Variants in CCDC171 observed in about 807,000 individuals in gnomAD.
CCDC171 encodes the protein coiled-coil domain-containing protein 171.
CCDC171 carries 177 observed loss-of-function variants against 168.2 expected under a neutral mutation model. That is an observed-to-expected ratio of 1.05 (90% CI 0.93 to 1.19). The LOEUF is 1.19. Ranked by LOEUF, CCDC171 falls within the 50% of genes most tolerant of loss-of-function variation. The pLI, the probability that CCDC171 is intolerant of heterozygous loss-of-function variation, is 0.00. For synonymous variants in CCDC171, 687 were observed against 540.8 expected (o/e 1.27, Z -3.75); for missense variants, 1,991 against 1,539.0 (o/e 1.29, Z -4.91).
rs1386882067 is a variant in CCDC171 at position 15,564,530 on chromosome 9, CATTT to C, written c.41+403_41+406del. 2.0e-5 allele frequency among the ~76,000 whole-genome samples: 3 copies of C among 152,338 alleles called. No homozygotes were observed. In the East Asian group the frequency reaches 5.8e-4, roughly 29 times the overall value. On this transcript the variant is annotated intron_variant, in intron 2 of 25. Coordinates refer to ENST00000380701, the MANE Select transcript of CCDC171 (RefSeq NM_173550.4). ...AATTCATGGCTACTGCTTAAGCATT[CATTT>C]AGTCTTAGCTCCTGTTGCTGTTTCG...
intron 25 of CCDC171, among the ~76,000 whole-genome samples, chr9:15,923,241 T>C (rs768352332): frequency 4.0e-5 from 6 of 151,382 alleles, no homozygotes; most frequent in Non-Finnish European, 7.4e-5. Context: ...AGCCAAGATA[T>C]ATAATCAGCC....
intron 24 of CCDC171, among the ~76,000 whole-genome samples, chr9:15,900,318 A>G (rs2131620153): frequency 6.6e-6 from 1 of 152,312 alleles, no homozygotes; most frequent in Admixed American, 6.5e-5. Context: ...CGGTGGGGGC[A>G]TTTGGCAAGG....
chr9:15,679,519 A>G (rs1338995006), intron 10 of CCDC171, among the ~76,000 whole-genome samples: 1 of 152,002 alleles, frequency 6.6e-6, no homozygotes, highest in Non-Finnish European at 1.5e-5. Context: ...TGCTTTAGCC[A>G]TATTAGAGTG....
chr9:15,953,705 A>AGT (rs1218880182), intron 25 of CCDC171, among the ~76,000 whole-genome samples: 1 of 152,142 alleles, frequency 6.6e-6, no homozygotes, highest in African/African-American at 2.4e-5. Flanking sequence ...TTTATTTGGA[A>AGT]GTGTTCCCTT....
At chr9:15,939,920 A>G (rs904722866) in intron 25 of CCDC171, among the ~76,000 whole-genome samples, 2 of 151,898 alleles carry the variant, frequency 1.3e-5, no homozygotes, top group African/African-American at 4.8e-5. Flanking sequence ...AAAGGGATGG[A>G]TAATTTCATG....
chr9:16,018,924 C>T (rs2133014270), intron 3 of CCDC171, among the ~76,000 whole-genome samples: 1 of 152,296 alleles, frequency 6.6e-6, no homozygotes, highest in South Asian at 2.1e-4. Context: ...TGTATTCATG[C>T]CTTTTTGCCA....
chr9:15,950,647 C>T (rs1356057346), intron 25 of CCDC171, among the ~76,000 whole-genome samples: 3 of 151,944 alleles, frequency 2.0e-5, no homozygotes, highest in African/African-American at 7.2e-5. Flanking sequence ...AAGGAACAAC[C>T]GATACCAGCC....
At chr9:15,865,664 A>T (rs2061747715) in intron 23 of CCDC171, among the ~76,000 whole-genome samples, 1 of 152,166 alleles carries the variant, frequency 6.6e-6, no homozygotes, top group South Asian at 2.1e-4. Flanking sequence ...TATTATAAGA[A>T]TATAGTATAT....
At chr9:15,596,046 C>T (rs938574922) in intron 6 of CCDC171, among the ~76,000 whole-genome samples, 2 of 151,996 alleles carry the variant, frequency 1.3e-5, no homozygotes, top group African/African-American at 4.8e-5. Flanking sequence ...GGATATTAGC[C>T]CTTTGTCAGA....
chr9:15,997,511 A>G (rs1358119802), intron 3 of CCDC171, among the ~76,000 whole-genome samples: 1 of 152,154 alleles, frequency 6.6e-6, no homozygotes, highest in Non-Finnish European at 1.5e-5. Context: ...ACTTCTCTAT[A>G]CAGTTTCAGG....
intron 21 of CCDC171, among the ~76,000 whole-genome samples, chr9:15,806,412 C>G (rs1451620705): frequency 6.6e-6 from 1 of 152,102 alleles, no homozygotes; most frequent in Non-Finnish European, 1.5e-5. Flanking sequence ...TTCAGGAGCT[C>G]TTGTAACACA....
At chr9:16,043,443 G>T (rs967481985) in intron 1 of CCDC171, among the ~76,000 whole-genome samples, 1 of 152,198 alleles carries the variant, frequency 6.6e-6, no homozygotes, top group Non-Finnish European at 1.5e-5. Flanking sequence ...GAATCTTGGG[G>T]ATGAGTACTG....
At chr9:15,673,358 G>A (rs2133295054) in intron 9 of CCDC171, among the ~76,000 whole-genome samples, 1 of 152,290 alleles carries the variant, frequency 6.6e-6, no homozygotes, top group East Asian at 1.9e-4. Context: ...TCTCTTGCGT[G>A]ATTGCCCTGG....
chr9:16,009,895 TA>T (rs1832817517), intron 3 of CCDC171, among the ~76,000 whole-genome samples: 1 of 152,192 alleles, frequency 6.6e-6, no homozygotes, highest in Non-Finnish European at 1.5e-5. Flanking sequence ...CTCTGAGATC[TA>T]AAAAATGCAT....
intron 7 of CCDC171, among the ~76,000 whole-genome samples, chr9:15,632,849 G>A (rs1472120688): frequency 2.0e-5 from 3 of 152,130 alleles, no homozygotes; most frequent in Non-Finnish European, 4.4e-5. Flanking sequence ...ACAGAACAGA[G>A]CACTCTGAAA....
At chr9:15,837,653 G>A (rs1309594217) in intron 21 of CCDC171, among the ~76,000 whole-genome samples, 3 of 152,162 alleles carry the variant, frequency 2.0e-5, no homozygotes, top group African/African-American at 7.2e-5. Context: ...GCTTCCAACT[G>A]TTGCTGAAAC....
chr9:15,701,436 C>T (rs1021948708), intron 11 of CCDC171, among the ~76,000 whole-genome samples: 2 of 152,126 alleles, frequency 1.3e-5, no homozygotes, highest in African/African-American at 4.8e-5. Flanking sequence ...GAGGGGTCTA[C>T]TTTCATTCTT....
intron 8 of CCDC171, among the ~76,000 whole-genome samples, chr9:15,662,565 T>C (rs903382293): frequency 2.6e-5 from 4 of 152,162 alleles, no homozygotes; most frequent in African/African-American, 9.7e-5. Context: ...CAGTCTATGT[T>C]CTCTTAAAAC....
At chr9:15,621,247 G>A (rs1298233951) in intron 6 of CCDC171, among the ~76,000 whole-genome samples, 2 of 152,142 alleles carry the variant, frequency 1.3e-5, no homozygotes, top group African/African-American at 4.8e-5. Context: ...GATTACAGGC[G>A]TGAGCCACTG....
Sources: allele counts gnomAD v4.1 joint callset (sites outside exome capture counted in the v4.1 genomes callset), GRCh38; gene constraint gnomAD v4.1.1; transcripts MANE v1.5; gene names NCBI Gene and HGNC (gene_info 2026-07-23, HGNC 2026-07-21).